Variants in SPATA6L observed in about 807,000 individuals in gnomAD.
SPATA6L encodes the protein spermatogenesis associated 6 like.
Under a neutral mutation model 49.2 loss-of-function variants are expected in SPATA6L, and 68 were observed. The observed-to-expected ratio is 1.38, with a 90% CI of 1.14 to 1.69. The LOEUF (loss-of-function observed/expected upper bound fraction) is 1.69. Ranked by LOEUF, SPATA6L falls within the 40% of genes most tolerant of loss-of-function variation. The pLI is 0.00. For synonymous variants in SPATA6L, 198 were observed against 165.7 expected, an observed-to-expected ratio of 1.19 and a Z score of -1.50; for missense variants, 668 against 464.3, an observed-to-expected ratio of 1.44 and a Z score of -4.03.
chr9:4,628,078 T>G, intron 5 of SPATA6L: 1 of 318,676 alleles, frequency 3.1e-6, no homozygotes, highest in South Asian at 2.5e-5. Context: ...AGACAGAGAG[T>G]AGAATGATGG....
At chr9:4,629,303 T>C in intron 4 of SPATA6L, 135 bp from the exon 5 acceptor site, 4 of 580,108 alleles carry the variant, frequency 6.9e-6, no homozygotes, top group East Asian at 3.0e-5. Context: ...CTAAAATATA[T>C]ATGTAATAAG....
Position 4,612,610 on chromosome 9 carries a change from C to G in SPATA6L, c.995+5313G>C, listed in dbSNP as rs550409746. Among the ~76,000 whole-genome samples, 65 of 152,274 alleles carry G rather than the reference C, an allele frequency of 4.3e-4. 2 individuals are homozygous for G. The South Asian group carries it at 0.013, about 30-fold the overall frequency. ...TCATTTATCTATACCTCATTAATACCATTTGCACCACTGGACATTTTGTCA... is the reference window on the plus strand; with the variant it reads ...TCATTTATCTATACCTCATTAATACGATTTGCACCACTGGACATTTTGTCA... On this transcript the variant is annotated intron_variant, in intron 9 of 11. Transcript: ENST00000682582.
At chr9:4,654,333 G>C (rs925999393) in intron 3 of SPATA6L, among the ~76,000 whole-genome samples, 6 of 152,192 alleles carry the variant, frequency 3.9e-5, no homozygotes, top group African/African-American at 1.2e-4. Flanking sequence ...GGTGTGGCTC[G>C]CTTCTTCAGT....
intron 3 of SPATA6L, among the ~76,000 whole-genome samples, chr9:4,653,253 T>G (rs1837329316): frequency 6.6e-6 from 1 of 152,154 alleles, no homozygotes; most frequent in African/African-American, 2.4e-5. Context: ...GACAATTCAA[T>G]GAGGGAAAGA....
intron 13 of SPATA6L, among the ~76,000 whole-genome samples, chr9:4,592,522 A>G (rs1345540645): frequency 6.6e-6 from 1 of 152,206 alleles, no homozygotes; most frequent in African/African-American, 2.4e-5. Context: ...ACTTCCCCAA[A>G]GACCACACAA....
chr9:4,603,658 C>G (rs975201803), intron 11 of SPATA6L, among the ~76,000 whole-genome samples: 1 of 152,012 alleles, frequency 6.6e-6, no homozygotes, highest in Non-Finnish European at 1.5e-5. Flanking sequence ...AGGTTTCACT[C>G]CAGTAGAAGA....
At chr9:4,646,560 C>A (rs763997748) in intron 3 of SPATA6L, 18 of 1,366,310 alleles carry the variant, frequency 1.3e-5, no homozygotes, top group Middle Eastern at 1.8e-4. Context: ...TTTAATACTT[C>A]CAAAAATTGC....
downstream of SPATA6L, among the ~76,000 whole-genome samples, chr9:4,594,741 T>A (rs1170511892): frequency 6.6e-6 from 1 of 152,192 alleles, no homozygotes; most frequent in South Asian, 2.1e-4. Flanking sequence ...CAGACATGAA[T>A]CACTGGACAT....
At chr9:4,663,517 T>C in intron 1 of SPATA6L, 1 of 433,508 alleles carries the variant, frequency 2.3e-6, no homozygotes, top group Non-Finnish European at 4.3e-6. Context: ...TGTTTATGTT[T>C]CCAGGACAAC....
In SPATA6L at chr9:4,647,898, G is replaced by A. The variant is rs117327426; in HGVS notation, c.226+8143C>T. On this transcript the variant is annotated intron_variant, in intron 3 of 11. Transcript: ENST00000682582. ...CACCCAGGGTGGAGGGCAGTGGTGC[G>A]ATCTTGGGTCACTGCAACCTCTACC... is the stretch of plus-strand genomic sequence containing the variant. Among the ~76,000 whole-genome samples the A allele has an allele frequency of 6.6e-3, 993 of 151,320 alleles. 7 individuals are homozygous for A. Among genetic ancestry groups the A allele is most frequent in the Non-Finnish European group, 9.7e-3 (655 of 67,836 alleles).
intron 1 of SPATA6L, chr9:4,663,239 C>G: frequency 6.2e-7 from 1 of 1,613,892 alleles, no homozygotes; most frequent in Non-Finnish European, 8.5e-7. Flanking sequence ...CTCCGGTCCT[C>G]TTTTTACTGT....
At chr9:4,654,311 A>T (rs1272648658) in intron 3 of SPATA6L, among the ~76,000 whole-genome samples, 5 of 152,200 alleles carry the variant, frequency 3.3e-5, no homozygotes, top group African/African-American at 1.2e-4. Context: ...CCCTCTCAGG[A>T]CGTGCGATGG....
At position 4,599,219 on chromosome 9, in the gene SPATA6L, T is replaced by TTA. The variant is rs1289867015; in HGVS notation, c.*1590_*1591dup. On this transcript the variant is annotated 3_prime_UTR_variant, in exon 12 of 12. Transcript: ENST00000682582. ...GATGTGGAATTTTTCACTTATGGTG[T>TTA]TATATTGGTGCTCAAAAAGTTTTGG... 9.9e-5 allele frequency among the ~76,000 whole-genome samples: 15 copies of TTA among 152,178 alleles called. No individual in the cohort carries two copies. The highest frequency in any genetic ancestry group is 2.2e-4 in the Non-Finnish European group (15 of 68,030).
intron 9 of SPATA6L, among the ~76,000 whole-genome samples, chr9:4,608,821 C>T (rs1419653653): frequency 2.0e-5 from 3 of 151,856 alleles, no homozygotes; most frequent in Non-Finnish European, 2.9e-5. Context: ...GAAATAGAGA[C>T]ACAAAAAACC....
chr9:4,603,414 A>G (rs28664808), intron 11 of SPATA6L, among the ~76,000 whole-genome samples: 4,018 of 152,248 alleles, frequency 0.026, 165 homozygotes, highest in African/African-American at 0.085. Context: ...TGGGTGACAG[A>G]GCTCCATGTC....
Position 4,666,259 on chromosome 9 carries a change from G to T in SPATA6L, c.-9C>A, listed in dbSNP as rs200138136. 1,188 of 1,614,046 alleles carry T rather than the reference G, an allele frequency of 7.4e-4. No individual in the cohort carries two copies. Among genetic ancestry groups the T allele is most frequent in the Non-Finnish European group, 9.0e-4 (1,065 of 1,180,030 alleles). ...ACCACCTCCAGAGGCATCGTTCCCT[G>T]CGTGGGCGAAAGGACTGGAATGAGA... On this transcript the variant is annotated 5_prime_UTR_variant, in exon 1 of 12. Coordinates refer to ENST00000682582, the MANE Select transcript of SPATA6L (RefSeq NM_001353486.2).
At chr9:4,638,768 T>C (rs1432035880) in intron 3 of SPATA6L, among the ~76,000 whole-genome samples, 1 of 138,080 alleles carries the variant, frequency 7.2e-6, no homozygotes, top group Non-Finnish European at 1.5e-5. Context: ...AAGAACTCTT[T>C]TCTTTTCTTT....
At position 4,662,840 on chromosome 9, in the gene SPATA6L, C is replaced by T. The variant is rs747435220; in HGVS notation, c.40-804G>A. The T allele has an allele frequency of 1.9e-6, 3 of 1,605,042 alleles. No individual in the cohort carries two copies. In the African/African-American group the frequency reaches 4.0e-5, roughly 21 times the overall value. On this transcript the variant is annotated intron_variant, in intron 1 of 11. Transcript: ENST00000682582. The surrounding 1 kb of genome is among the most constrained non-coding windows in gnomAD (Gnocchi z 4.9). ...TGCTGGGCACCCTCTACTGCCTGTG[C>T]AGGAGCGACAGCTGGGCCGGGCGCG...
intron 11 of SPATA6L, among the ~76,000 whole-genome samples, chr9:4,602,180 C>A (rs3780408): frequency 0.068 from 10,275 of 151,968 alleles, 589 homozygotes; most frequent in East Asian, 0.31. Context: ...TATCCCCCCA[C>A]ATCAATGTCC....
Sources: gnomAD v4.1 joint callset for allele counts (sites outside exome capture counted in the v4.1 genomes callset) on GRCh38, gnomAD v4.1.1 for gene constraint, Gnocchi (gnomAD v3.1) non-coding constraint, MANE v1.5 for transcripts, NCBI Gene and HGNC (gene_info 2026-07-23, HGNC 2026-07-21) for gene names.